Variants in ZFPM2 observed in about 807,000 individuals in gnomAD.
The protein encoded by ZFPM2 is zinc finger protein, FOG family member 2, also known as zinc finger protein ZFPM2.
ZFPM2 carries 20 observed loss-of-function variants against 98.6 expected under a neutral mutation model. The ratio of observed to expected loss-of-function variants is 0.20; its 90% CI spans 0.14 to 0.29. ZFPM2 has a LOEUF of 0.29. ZFPM2 is among the 10% of genes least tolerant of loss of function. ZFPM2 has a pLI of 1.00. For synonymous variants in ZFPM2, 518 were observed against 502.7 expected (o/e 1.03, Z -0.41); for missense variants, 1,310 against 1,388.6 (o/e 0.94, Z 0.90).
At chr8:105,696,854 G>A (rs948340287) in intron 5 of ZFPM2, among the ~76,000 whole-genome samples, 2 of 152,038 alleles carry the variant, frequency 1.3e-5, no homozygotes, top group Non-Finnish European at 1.5e-5. Context: ...ATTCTACTTA[G>A]TGATCTAGCT....
intron 5 of ZFPM2, among the ~76,000 whole-genome samples, chr8:105,760,938 T>C (rs1812721034): frequency 6.6e-6 from 1 of 151,994 alleles, no homozygotes; most frequent in African/African-American, 2.4e-5. Flanking sequence ...ATAGGAAGTA[T>C]GAGATATTGT....
At chr8:105,366,100 T>C (rs537026839) in intron 1 of ZFPM2, among the ~76,000 whole-genome samples, 2 of 152,298 alleles carry the variant, frequency 1.3e-5, no homozygotes, top group East Asian at 3.9e-4. Flanking sequence ...AATGATACTA[T>C]CATATCTCAA....
chr8:105,606,485 C>T (rs1434152794), intron 4 of ZFPM2, among the ~76,000 whole-genome samples: 1 of 151,982 alleles, frequency 6.6e-6, no homozygotes, highest in Non-Finnish European at 1.5e-5. Context: ...CTTTACCTTT[C>T]TCTGTGCTCC....
chr8:105,719,045 T>C (rs1013793583), intron 5 of ZFPM2, among the ~76,000 whole-genome samples: 11 of 151,974 alleles, frequency 7.2e-5, no homozygotes, highest in African/African-American at 2.4e-4. Flanking sequence ...GTTCAGTACA[T>C]TCTTGCCCCA....
At chr8:105,644,729 G>T (rs1460809845) in intron 5 of ZFPM2, among the ~76,000 whole-genome samples, 1 of 152,184 alleles carries the variant, frequency 6.6e-6, no homozygotes, top group African/African-American at 2.4e-5. Context: ...CTTGGTGAGA[G>T]CTCTCTTCTG....
intron 2 of ZFPM2, among the ~76,000 whole-genome samples, chr8:105,422,736 C>T (rs1403697404): frequency 6.6e-6 from 1 of 151,962 alleles, no homozygotes; most frequent in Non-Finnish European, 1.5e-5. Context: ...TCTAAGTTCT[C>T]CAAACAAGAA....
At chr8:105,384,195 G>C (rs893721745) in intron 1 of ZFPM2, among the ~76,000 whole-genome samples, 1 of 152,018 alleles carries the variant, frequency 6.6e-6, no homozygotes, top group Non-Finnish European at 1.5e-5. Context: ...TCACACATCA[G>C]AAACACTGAG....
At chr8:105,398,540 AG>A (rs922014850) in intron 1 of ZFPM2, among the ~76,000 whole-genome samples, 4 of 152,074 alleles carry the variant, frequency 2.6e-5, no homozygotes, top group African/African-American at 9.7e-5. Flanking sequence ...TGTTGGGGAT[AG>A]GGGAATGGGT....
At chr8:105,666,402 G>A (rs75317930) in intron 5 of ZFPM2, among the ~76,000 whole-genome samples, 133 of 152,276 alleles carry the variant, frequency 8.7e-4, no homozygotes, top group African/African-American at 3.0e-3. Context: ...GTGATTTTGT[G>A]TGAATGCTCC....
chr8:105,447,993 T>C (rs985871466), intron 3 of ZFPM2, among the ~76,000 whole-genome samples: 3 of 152,126 alleles, frequency 2.0e-5, no homozygotes, highest in Non-Finnish European at 4.4e-5. Flanking sequence ...AAGAAAATTA[T>C]CTTACATGTA....
Position 105,709,729 on chromosome 8 carries a change from A to T in ZFPM2, c.532+75372A>T, listed in dbSNP as rs544250952. On this transcript the variant is annotated intron_variant, in intron 5 of 7. Transcript: ENST00000407775. The stretch of plus-strand genomic sequence containing the variant: ...AGAATTAAGTAAATAATCATTATTT[A>T]TTTAAAGAAAAAAATTTTAGGAACT... 2.0e-4 allele frequency among the ~76,000 whole-genome samples: 30 copies of T among 152,236 alleles called. No homozygotes were observed. In the South Asian group the frequency reaches 5.8e-3, roughly 29 times the overall value.
intron 5 of ZFPM2, among the ~76,000 whole-genome samples, chr8:105,684,551 A>G (rs1193473805): frequency 6.6e-6 from 1 of 152,140 alleles, no homozygotes; most frequent in Non-Finnish European, 1.5e-5. Context: ...TCTCTAAGAT[A>G]GCACTTCATT....
At chr8:105,573,537 A>G (rs909690724) in intron 4 of ZFPM2, among the ~76,000 whole-genome samples, 2 of 152,238 alleles carry the variant, frequency 1.3e-5, no homozygotes, top group African/African-American at 4.8e-5. Context: ...TCAAAGATTA[A>G]TAAGTAAAAG....
chr8:105,607,928 T>A (rs1439825886), intron 4 of ZFPM2, among the ~76,000 whole-genome samples: 4 of 152,050 alleles, frequency 2.6e-5, no homozygotes, highest in African/African-American at 7.2e-5. Context: ...ATACCAAATA[T>A]ACGGAATCAG....
At chr8:105,376,695 A>G (rs542076982) in intron 1 of ZFPM2, among the ~76,000 whole-genome samples, 14 of 152,252 alleles carry the variant, frequency 9.2e-5, no homozygotes, top group Middle Eastern at 6.8e-3. Context: ...TCTCATATCC[A>G]ATCTATTATA....
intron 1 of ZFPM2, among the ~76,000 whole-genome samples, chr8:105,388,267 C>A (rs775041830): frequency 3.3e-5 from 5 of 150,588 alleles, no homozygotes; most frequent in Non-Finnish European, 7.4e-5. Context: ...CATGGGGGAA[C>A]AACTCATACC....
At chr8:105,486,276 A>G (rs1813228954) in intron 3 of ZFPM2, among the ~76,000 whole-genome samples, 1 of 152,032 alleles carries the variant, frequency 6.6e-6, no homozygotes, top group Non-Finnish European at 1.5e-5. Context: ...ACTTTTCTTA[A>G]TATATGTATT....
At chr8:105,548,190 C>T (rs530256496) in intron 3 of ZFPM2, among the ~76,000 whole-genome samples, 1 of 152,038 alleles carries the variant, frequency 6.6e-6, no homozygotes, top group East Asian at 1.9e-4. Context: ...ACTGAGAGGA[C>T]ATGATAAATA....
At chr8:105,514,836 G>A (rs1008160356) in intron 3 of ZFPM2, among the ~76,000 whole-genome samples, 5 of 151,978 alleles carry the variant, frequency 3.3e-5, no homozygotes, top group African/African-American at 1.2e-4. Context: ...GCTTTTTTTG[G>A]TTTGTTTCTG....
Sources: allele counts gnomAD v4.1 joint callset (sites outside exome capture counted in the v4.1 genomes callset), GRCh38; gene constraint gnomAD v4.1.1; transcripts MANE v1.5; gene names NCBI Gene and HGNC (gene_info 2026-07-23, HGNC 2026-07-21).